TUT4: variants seen among roughly 807,000 people sequenced by gnomAD.
TUT4 encodes terminal uridylyltransferase 4.
In TUT4, 36 loss-of-function variants were observed where a neutral mutation model predicts 192.2. The observed-to-expected ratio is 0.19, with a 90% CI of 0.14 to 0.25. TUT4 has a LOEUF of 0.25. TUT4 is among the 10% of genes least tolerant of loss of function. TUT4 has a pLI of 1.00. For missense variants in TUT4, 1,493 were observed against 1,957.2 expected (o/e 0.76, Z 4.47); for synonymous variants, 618 against 666.0 (o/e 0.93, Z 1.11).
chr1:52,444,359 G>A (rs567131799), intron 24 of TUT4, among the ~76,000 whole-genome samples: 6 of 151,726 alleles, frequency 4.0e-5, no homozygotes, highest in Non-Finnish European at 8.8e-5. Context: ...CCCCATAAGA[G>A]GCTAGAAAAT....
intron 8 of TUT4, 28 bp downstream of exon 8, chr1:52,490,704 T>A: frequency 6.3e-7 from 1 of 1,579,142 alleles, no homozygotes; most frequent in Non-Finnish European, 8.6e-7. Context: ...TTTGTTTTTT[T>A]AAATATTTTA....
chr1:52,522,214 C>T (rs745915893), intron 2 of TUT4, among the ~76,000 whole-genome samples: 3 of 152,108 alleles, frequency 2.0e-5, no homozygotes, highest in Non-Finnish European at 2.9e-5. Flanking sequence ...TGACTGTATA[C>T]TACAAATCAT....
chr1:52,443,764 A>G (rs960482965), intron 24 of TUT4, among the ~76,000 whole-genome samples: 1 of 152,078 alleles, frequency 6.6e-6, no homozygotes, highest in African/African-American at 2.4e-5. Flanking sequence ...CCCTGTATCA[A>G]AAAAACAAAA....
chr1:52,428,135 A>G (rs1348526405), intron 28 of TUT4, among the ~76,000 whole-genome samples: 1 of 152,174 alleles, frequency 6.6e-6, no homozygotes, highest in Non-Finnish European at 1.5e-5. Flanking sequence ...ATAAAAATCA[A>G]AGAGATATAA....
intron 1 of TUT4, among the ~76,000 whole-genome samples, chr1:52,551,108 T>C (rs918592307): frequency 1.3e-5 from 2 of 152,234 alleles, no homozygotes; most frequent in Non-Finnish European, 2.9e-5. Context: ...CACTGTACTG[T>C]TCTAGCTCCA....
chr1:52,427,719 G>A (rs1274126862), intron 28 of TUT4, among the ~76,000 whole-genome samples: 1 of 152,226 alleles, frequency 6.6e-6, no homozygotes, highest in Non-Finnish European at 1.5e-5. Flanking sequence ...GCTGGAGACA[G>A]CAAAATAATG....
intron 27 of TUT4, chr1:52,433,066 CTG>C (rs1652594782): frequency 6.6e-6 from 1 of 152,264 alleles, no homozygotes; most frequent in Non-Finnish European, 1.5e-5. Flanking sequence ...AAGCAAATGG[CTG>C]TGAGATACTT....
chr1:52,433,975 T>A (rs1049261967), intron 27 of TUT4: 1 of 152,210 alleles, frequency 6.6e-6, no homozygotes. Context: ...AAAATAACAA[T>A]GTTAAAAACT....
chr1:52,493,675 C>A lies in TUT4; in HGVS notation c.1267-13G>T. On this transcript the variant is annotated splice_polypyrimidine_tract_variant and intron_variant, in intron 6 of 29. Coordinates refer to ENST00000257177, the MANE Select transcript of TUT4 (RefSeq NM_001009881.3). Reference sequence around the variant, plus strand: ...CTGGATGATTCATCTAAAAAAGTTTCAAAAATAAATCGATATACTAATTTC... The same window carrying A: ...CTGGATGATTCATCTAAAAAAGTTTAAAAAATAAATCGATATACTAATTTC... 3 of 1,482,980 alleles carry A rather than the reference C, an allele frequency of 2.0e-6. No homozygotes were observed. The highest frequency in any genetic ancestry group is 1.8e-6 in the Non-Finnish European group (2 of 1,088,982). 91.9% of individuals were successfully genotyped at this position (1,482,980 alleles called of 1,614,324 possible).
rs1416374502 is a variant in TUT4 at position 52,525,971 on chromosome 1, A to C, written c.310T>G (p.Ser104Ala). ...SHCKAKKFPNSPVKAEKATIS... is the reference protein window; with the variant it reads ...SHCKAKKFPNAPVKAEKATIS... Reference sequence around the variant, plus strand: ...GTTGCCTTTTCGGCTTTCACCGGTGAATTAGGAAATTTTTTTGCTTTGCAA... The same window carrying C: ...GTTGCCTTTTCGGCTTTCACCGGTGCATTAGGAAATTTTTTTGCTTTGCAA... The change falls in exon 2 of 30, where the codon TCA (serine) becomes GCA (alanine). Residue 104 changes from serine (S) to alanine (A), a missense_variant. Ser to Ala is a moderately conservative substitution (Grantham distance 99). Transcript: ENST00000257177. The C allele has an allele frequency of 1.2e-6, 2 of 1,614,096 alleles. No individual in the cohort carries two copies. The highest frequency in any genetic ancestry group is 8.5e-7 in the Non-Finnish European group (1 of 1,180,012).
chr1:52,545,896 C>T (rs1687943876), intron 1 of TUT4, among the ~76,000 whole-genome samples: 1 of 147,176 alleles, frequency 6.8e-6, no homozygotes, highest in Non-Finnish European at 1.5e-5. Context: ...CCGAGGCAGG[C>T]ACATCACTTG....
At chr1:52,491,472 G>T (rs1217838677) in intron 7 of TUT4, among the ~76,000 whole-genome samples, 2 of 151,936 alleles carry the variant, frequency 1.3e-5, no homozygotes, top group African/African-American at 4.8e-5. Flanking sequence ...GGTGGATCAC[G>T]AGGTCAGGAG....
rs377729505 is a variant in TUT4 at position 52,528,104 on chromosome 1, G to A, written c.-93-1731C>T. Among the ~76,000 whole-genome samples, 25 of 151,496 alleles carry A rather than the reference G, an allele frequency of 1.7e-4. No individual in the cohort carries two copies. In the East Asian group the frequency reaches 3.9e-3, roughly 23 times the overall value. On this transcript the variant is annotated intron_variant, in intron 1 of 29. Coordinates refer to ENST00000257177, the MANE Select transcript of TUT4 (RefSeq NM_001009881.3). ...TGAGGCGGGAGAATTGCTTGAACCCGGGAAGCGGAAGTTGCAGTGAACTGA... is the reference window on the plus strand; with the variant it reads ...TGAGGCGGGAGAATTGCTTGAACCCAGGAAGCGGAAGTTGCAGTGAACTGA...
chr1:52,533,869 G>A (rs536390814), intron 1 of TUT4, among the ~76,000 whole-genome samples: 2 of 152,218 alleles, frequency 1.3e-5, no homozygotes, highest in South Asian at 4.1e-4. Context: ...GGGAGAATGA[G>A]GCACAAAAAT....
intron 24 of TUT4, among the ~76,000 whole-genome samples, chr1:52,442,047 A>C (rs1655772294): frequency 6.6e-6 from 1 of 151,842 alleles, no homozygotes; most frequent in South Asian, 2.1e-4. Flanking sequence ...GTGCACCTGT[A>C]ATCCCAGTTA....
chr1:52,514,047 A>C (rs973130176), intron 3 of TUT4, among the ~76,000 whole-genome samples: 3 of 152,232 alleles, frequency 2.0e-5, no homozygotes, highest in African/African-American at 7.2e-5. Context: ...AAGGAGATAG[A>C]ATCAGGTTCC....
chr1:52,495,388 C>G, intron 6 of TUT4, 39 bp downstream of exon 6: 1 of 1,260,462 alleles, frequency 7.9e-7, no homozygotes, highest in Non-Finnish European at 1.1e-6. Flanking sequence ...TTACTAAGTA[C>G]TAGTTAAGAA....
At chr1:52,531,595 AT>A (rs979956061) in intron 1 of TUT4, among the ~76,000 whole-genome samples, 2 of 152,136 alleles carry the variant, frequency 1.3e-5, no homozygotes, top group African/African-American at 4.8e-5. Context: ...GGTTAAATGG[AT>A]TTTTTTAAAG....
In TUT4 at chr1:52,451,207, A is replaced by G. The variant is rs141884437; in HGVS notation, c.3436-4540T>C. Among the ~76,000 whole-genome samples the G allele has an allele frequency of 1.4e-3, 218 of 151,442 alleles. 7 individuals carry two copies. In the East Asian group the frequency reaches 0.033, roughly 23 times the overall value. On this transcript the variant is annotated intron_variant, in intron 20 of 29. Transcript: ENST00000257177. ...CGTGAACCTGGGATGTGGAGCTTGCAGTGAGCCGAGATTGCGCCACTGCAC... is the reference window on the plus strand; with the variant it reads ...CGTGAACCTGGGATGTGGAGCTTGCGGTGAGCCGAGATTGCGCCACTGCAC...
Sources: allele counts gnomAD v4.1 joint callset (sites outside exome capture counted in the v4.1 genomes callset), GRCh38; gene constraint gnomAD v4.1.1; transcripts MANE v1.5; gene names NCBI Gene and HGNC (gene_info 2026-07-23, HGNC 2026-07-21).